Variants in EYS observed in about 807,000 individuals in gnomAD.
The protein encoded by EYS is protein eyes shut homolog.
EYS carries 250 observed loss-of-function variants against 282.1 expected under a neutral mutation model. The ratio of observed to expected loss-of-function variants is 0.89; its 90% CI spans 0.80 to 0.98. The LOEUF (loss-of-function observed/expected upper bound fraction) is 0.98. Among genes scored for constraint, EYS ranks in the 50% least tolerant of loss-of-function variants. The pLI is 0.00. For missense variants in EYS, 4,016 were observed against 3,709.0 expected (o/e 1.08, Z -2.15); for synonymous variants, 1,355 against 1,282.9 (o/e 1.06, Z -1.20).
chr6:64,380,012 T>G (rs1366716654), intron 29 of EYS, among the ~76,000 whole-genome samples: 1 of 152,178 alleles, frequency 6.6e-6, no homozygotes, highest in Non-Finnish European at 1.5e-5. Context: ...TCAAGCCTGG[T>G]ATTTTTTCTA....
chr6:63,777,926 T>C lies in EYS; in HGVS notation c.7898+80A>G. ...TGCATCTGTTTGTGTTCCTAGTTTG[T>C]ACAAGTGGAATGACAGAGTGGAGTA... On this transcript the variant is annotated intron_variant, in intron 40 of 42. Transcript: ENST00000503581. The C allele has an allele frequency of 2.3e-6, 3 of 1,278,124 alleles. No homozygotes were observed. In the South Asian group the frequency reaches 3.9e-5, roughly 17 times the overall value. The allele number at this position is 1,278,124 out of a possible 1,614,324, so 79.2% of individuals were successfully genotyped here.
intron 30 of EYS, among the ~76,000 whole-genome samples, chr6:64,252,515 C>T (rs9353663): frequency 0.31 from 47,525 of 151,876 alleles, 7,459 homozygotes; most frequent in East Asian, 0.51. Context: ...CCTGTTCACA[C>T]AACTCCCCTT....
intron 22 of EYS, among the ~76,000 whole-genome samples, chr6:64,663,645 A>C (rs1454197120): frequency 6.6e-6 from 1 of 152,124 alleles, no homozygotes; most frequent in Admixed American, 6.6e-5. Flanking sequence ...CCCACAGAGG[A>C]ACACGTTACT....
chr6:65,506,070 T>C (rs148491819), intron 2 of EYS, among the ~76,000 whole-genome samples: 2 of 152,292 alleles, frequency 1.3e-5, no homozygotes, highest in Admixed American at 1.3e-4. Context: ...GCTAGGTGCA[T>C]GCACATATAG....
chr6:65,157,945 A>G (rs2150219622), intron 12 of EYS, among the ~76,000 whole-genome samples: 1 of 150,950 alleles, frequency 6.6e-6, no homozygotes, highest in African/African-American at 2.4e-5. Context: ...ATAATCTAGA[A>G]ATGGGCTATA....
chr6:65,531,823 G>T (rs886423458), intron 2 of EYS, among the ~76,000 whole-genome samples: 2 of 152,036 alleles, frequency 1.3e-5, no homozygotes, highest in Non-Finnish European at 2.9e-5. Flanking sequence ...ACCATAAGAA[G>T]CAACTGACAC....
chr6:63,735,200 C>T (rs980441846), intron 41 of EYS, among the ~76,000 whole-genome samples: 2 of 152,046 alleles, frequency 1.3e-5, no homozygotes, highest in South Asian at 2.1e-4. Flanking sequence ...GTCTACACCA[C>T]GTTTGCTGTG....
intron 41 of EYS, among the ~76,000 whole-genome samples, chr6:63,749,889 G>A (rs1421978317): frequency 1.2e-4 from 19 of 152,272 alleles, no homozygotes; most frequent in African/African-American, 2.4e-5. Context: ...AGATCTGCTA[G>A]GACTGTGTGC....
intron 24 of EYS, among the ~76,000 whole-genome samples, chr6:64,605,142 C>T (rs1294011660): frequency 6.6e-6 from 1 of 151,866 alleles, no homozygotes; most frequent in African/African-American, 2.4e-5. Flanking sequence ...TGGTGAGAAA[C>T]TTACTTAGGT....
At chr6:64,012,495 T>A (rs141352825) in intron 33 of EYS, among the ~76,000 whole-genome samples, 193 of 152,282 alleles carry the variant, frequency 1.3e-3, no homozygotes, top group African/African-American at 4.4e-3. Flanking sequence ...AAAGACTAAC[T>A]TAAGATCTAA....
At chr6:63,872,441 T>C (rs1353750315) in intron 35 of EYS, among the ~76,000 whole-genome samples, 1 of 150,234 alleles carries the variant, frequency 6.7e-6, no homozygotes, top group Non-Finnish European at 1.5e-5. Context: ...GCCCTAGAGG[T>C]AGGAATGGCT....
At chr6:64,084,965 T>C (rs973504168) in intron 31 of EYS, among the ~76,000 whole-genome samples, 1 of 152,078 alleles carries the variant, frequency 6.6e-6, no homozygotes, top group African/African-American at 2.4e-5. Context: ...CCTGCCCTAC[T>C]GTATGTGGGG....
chr6:64,690,131 G>T (rs561979056), intron 22 of EYS, among the ~76,000 whole-genome samples: 1 of 151,548 alleles, frequency 6.6e-6, no homozygotes, highest in Non-Finnish European at 1.5e-5. Flanking sequence ...AAATTTACAA[G>T]AAAAAAACAA....
intron 22 of EYS, among the ~76,000 whole-genome samples, chr6:64,736,630 T>C (rs1369105997): frequency 6.6e-6 from 1 of 152,212 alleles, no homozygotes; most frequent in Non-Finnish European, 1.5e-5. Context: ...TCTTTCCTGG[T>C]AAGTCAAATA....
At chr6:64,701,808 A>G (rs192242877) in intron 22 of EYS, among the ~76,000 whole-genome samples, 1 of 152,184 alleles carries the variant, frequency 6.6e-6, no homozygotes, top group East Asian at 1.9e-4. Flanking sequence ...CATGTCACAA[A>G]GCTGCTCTCA....
intron 26 of EYS, among the ~76,000 whole-genome samples, chr6:64,563,321 A>G (rs961318946): frequency 6.6e-6 from 1 of 151,596 alleles, no homozygotes; most frequent in Non-Finnish European, 1.5e-5. Flanking sequence ...CGTTCTTTTT[A>G]TTTTTTCTTT....
intron 5 of EYS, among the ~76,000 whole-genome samples, chr6:65,450,656 G>A (rs1288397459): frequency 6.6e-6 from 1 of 152,080 alleles, no homozygotes; most frequent in Admixed American, 6.6e-5. Context: ...CTGGAAATGG[G>A]TGTGACCTTG....
chr6:64,766,649 A>AAAAAAAAAAAAAAAAAATATATAT (rs1387919586), intron 22 of EYS, among the ~76,000 whole-genome samples: 1 of 19,068 alleles, frequency 5.2e-5, no homozygotes, highest in African/African-American at 1.8e-4. Flanking sequence ...AAAAAAAAAA[A>AAAAAAAAAAAAAAAAAATATATAT]ATATATATAT....
At chr6:64,793,677 T>C (rs996236344) in intron 22 of EYS, among the ~76,000 whole-genome samples, 5 of 152,224 alleles carry the variant, frequency 3.3e-5, no homozygotes, top group Admixed American at 6.5e-5. Flanking sequence ...GTGAATATCA[T>C]TGTTCATAGT....
Sources: gnomAD v4.1 joint callset for allele counts (sites outside exome capture counted in the v4.1 genomes callset) on GRCh38, gnomAD v4.1.1 for gene constraint, MANE v1.5 for transcripts, NCBI Gene and HGNC (gene_info 2026-07-23, HGNC 2026-07-21) for gene names.